Variants in GALNTL6 observed in about 807,000 individuals in gnomAD.
GALNTL6 encodes polypeptide N-acetylgalactosaminyltransferase-like 6.
Under a neutral mutation model 73.7 loss-of-function variants are expected in GALNTL6, and 46 were observed. That is an observed-to-expected ratio of 0.62 (90% CI 0.49 to 0.80). GALNTL6 has a LOEUF of 0.80. GALNTL6 is among the 30% of genes least tolerant of loss of function. The pLI is 0.00. For missense variants in GALNTL6, 604 were observed against 755.0 expected (o/e 0.80, Z 2.34); for synonymous variants, 259 against 263.7 (o/e 0.98, Z 0.17).
At chr4:172,562,109 G>A (rs1333539026) in intron 5 of GALNTL6, among the ~76,000 whole-genome samples, 2 of 152,136 alleles carry the variant, frequency 1.3e-5, no homozygotes. Flanking sequence ...TTAAAAAGAA[G>A]ACAAATGTGA....
At chr4:172,222,705 G>A (rs28451416) in intron 2 of GALNTL6, among the ~76,000 whole-genome samples, 2,185 of 152,056 alleles carry the variant, frequency 0.014, 57 homozygotes, top group African/African-American at 0.05. Flanking sequence ...TACTATGCAA[G>A]TATCATTAAA....
At chr4:172,693,559 C>G (rs1733451858) in intron 5 of GALNTL6, among the ~76,000 whole-genome samples, 1 of 152,204 alleles carries the variant, frequency 6.6e-6, no homozygotes, top group African/African-American at 2.4e-5. Flanking sequence ...GCCTCTTGGG[C>G]CACATATAGA....
intron 7 of GALNTL6, among the ~76,000 whole-genome samples, chr4:172,818,907 A>G (rs1402635136): frequency 2.6e-5 from 4 of 152,094 alleles, no homozygotes; most frequent in East Asian, 1.9e-4. Flanking sequence ...ACAATCATCC[A>G]TTTTATTCTC....
chr4:171,909,249 AC>A (rs1307589103), intron 2 of GALNTL6, among the ~76,000 whole-genome samples: 1 of 152,008 alleles, frequency 6.6e-6, no homozygotes, highest in Admixed American at 6.6e-5. Flanking sequence ...ATTTTGTGCA[AC>A]CACAGTGATG....
At chr4:172,297,432 T>C (rs1199385291) in intron 3 of GALNTL6, among the ~76,000 whole-genome samples, 1 of 152,170 alleles carries the variant, frequency 6.6e-6, no homozygotes, top group Non-Finnish European at 1.5e-5. Context: ...TCCTTGCCCA[T>C]GCCTATGTCC....
chr4:172,056,859 T>C (rs1306690998), intron 2 of GALNTL6, among the ~76,000 whole-genome samples: 1 of 152,120 alleles, frequency 6.6e-6, no homozygotes, highest in Non-Finnish European at 1.5e-5. Context: ...TTTGCCTTAT[T>C]GTGAATATCC....
At chr4:172,555,946 C>T (rs1289221572) in intron 5 of GALNTL6, among the ~76,000 whole-genome samples, 2 of 152,004 alleles carry the variant, frequency 1.3e-5, no homozygotes, top group East Asian at 1.9e-4. Flanking sequence ...GCACAGTGTA[C>T]GACGTGGGTG....
In GALNTL6 at chr4:172,477,674, G is replaced by A. The variant is rs143836760; in HGVS notation, c.553+128985G>A. On this transcript the variant is annotated intron_variant, in intron 5 of 12. Transcript: ENST00000506823. ...CAGGGAAGGTCAAATTCCATGCTGT[G>A]ATTTGTAATTCATCTAATAACAAAA... is the stretch of plus-strand genomic sequence containing the variant. 6.3e-4 allele frequency among the ~76,000 whole-genome samples: 96 copies of A among 152,244 alleles called. 1 individual carries two copies. In the East Asian group the frequency reaches 0.012, roughly 20 times the overall value.
At chr4:172,013,935 AT>A (rs1741102609) in intron 2 of GALNTL6, among the ~76,000 whole-genome samples, 1 of 146,414 alleles carries the variant, frequency 6.8e-6, no homozygotes, top group South Asian at 2.2e-4. Flanking sequence ...AGTTGTTTTA[AT>A]TTTTAGCTTC....
At chr4:172,030,433 G>A (rs540111102) in intron 2 of GALNTL6, among the ~76,000 whole-genome samples, 5 of 152,096 alleles carry the variant, frequency 3.3e-5, no homozygotes, top group South Asian at 2.1e-4. Context: ...GGGGTAGGCC[G>A]GGCACAGTGG....
chr4:172,444,275 G>A (rs901195301), intron 5 of GALNTL6, among the ~76,000 whole-genome samples: 3 of 152,140 alleles, frequency 2.0e-5, no homozygotes, highest in African/African-American at 7.2e-5. Context: ...CTACAAAGAA[G>A]GCAAACTAAG....
chr4:172,621,499 TACTTCCA>T (rs1738954347), intron 5 of GALNTL6, among the ~76,000 whole-genome samples: 1 of 152,176 alleles, frequency 6.6e-6, no homozygotes. Flanking sequence ...ACAATTAATC[TACTTCCA>T]ACTTCCAATT....
rs1734278067 is a variant in GALNTL6, at chr4:172,156,542, T to TATATATATATATATATATATATA, written c.139-73113_139-73091dup. Among the ~76,000 whole-genome samples, 9 of 16,046 alleles carry TATATATATATATATATATATATA rather than the reference T, an allele frequency of 5.6e-4. No homozygotes were observed. In the South Asian group the frequency reaches 0.011, roughly 19 times the overall value. The allele number at this position is 16,046 out of a possible 152,430, so 10.5% of individuals were successfully genotyped here. A position where few individuals can be genotyped will look rare whatever the true frequency, so the allele number is the denominator to read the frequency against. The stretch of plus-strand genomic sequence containing the variant: ...ACTTTAAATATACATATATATATAA[T>TATATATATATATATATATATATA]ATATATATATATATATATATATATA... On this transcript the variant is annotated intron_variant, in intron 2 of 12. Transcript: ENST00000506823.
At chr4:172,464,577 C>T (rs1296087425) in intron 5 of GALNTL6, among the ~76,000 whole-genome samples, 1 of 151,956 alleles carries the variant, frequency 6.6e-6, no homozygotes, top group Non-Finnish European at 1.5e-5. Context: ...TGTGGTGGCG[C>T]ATGCCTGTAG....
intron 3 of GALNTL6, among the ~76,000 whole-genome samples, chr4:172,292,435 A>G (rs1739508624): frequency 6.6e-6 from 1 of 152,160 alleles, no homozygotes; most frequent in South Asian, 2.1e-4. Context: ...AATATGGTTT[A>G]TTAATATTCA....
At chr4:172,623,506 G>A in intron 5 of GALNTL6, among the ~76,000 whole-genome samples, 1 of 151,964 alleles carries the variant, frequency 6.6e-6, no homozygotes. Context: ...TTATTAAATA[G>A]GAATTTTAAT....
At chr4:171,842,424 T>C (rs534941611) in intron 2 of GALNTL6, among the ~76,000 whole-genome samples, 100 of 152,248 alleles carry the variant, frequency 6.6e-4, no homozygotes, top group Non-Finnish European at 1.0e-3. Context: ...CCTGTCTCCA[T>C]GCTTGGTGTT....
chr4:172,914,281 C>T (rs148302909), intron 8 of GALNTL6, among the ~76,000 whole-genome samples: 12,963 of 152,240 alleles, frequency 0.085, 777 homozygotes, highest in Non-Finnish European at 0.13. Context: ...CTGGTACCAG[C>T]CACTTCATAA....
At chr4:172,288,510 A>C (rs1294022821) in intron 3 of GALNTL6, among the ~76,000 whole-genome samples, 1 of 152,192 alleles carries the variant, frequency 6.6e-6, no homozygotes, top group African/African-American at 2.4e-5. Flanking sequence ...AAAAGATAAG[A>C]GATCCAATTT....
Sources: gnomAD v4.1 joint callset for allele counts (sites outside exome capture counted in the v4.1 genomes callset) on GRCh38, gnomAD v4.1.1 for gene constraint, MANE v1.5 for transcripts, NCBI Gene and HGNC (gene_info 2026-07-23, HGNC 2026-07-21) for gene names.